Variants in ERG observed in about 807,000 individuals in gnomAD.
ERG encodes ETS transcription factor ERG.
Under a neutral mutation model 55.3 loss-of-function variants are expected in ERG, and 9 were observed. The ratio of observed to expected loss-of-function variants is 0.16; its 90% CI spans 0.10 to 0.28. The LOEUF (loss-of-function observed/expected upper bound fraction) is 0.28, where lower values mean the gene tolerates loss of function less well. Ranked by LOEUF, ERG falls within the 10% of genes least tolerant of loss-of-function variation. The pLI, the probability that ERG is intolerant of heterozygous loss-of-function variation, is 1.00. For missense variants in ERG, 434 were observed against 631.6 expected (o/e 0.69, Z 3.35); for synonymous variants, 223 against 237.3 (o/e 0.94, Z 0.55).
At chr21:38,483,630 C>T (rs569992611) in intron 1 of ERG, among the ~76,000 whole-genome samples, 17 of 152,126 alleles carry the variant, frequency 1.1e-4, no homozygotes, top group Middle Eastern at 3.4e-3. Context: ...AGGTGGATCA[C>T]GAGGTCAGGA....
intron 1 of ERG, among the ~76,000 whole-genome samples, chr21:38,616,403 C>A (rs1291405663): frequency 2.0e-5 from 3 of 152,096 alleles, no homozygotes; most frequent in Non-Finnish European, 2.9e-5. Flanking sequence ...TATTAACACA[C>A]AAAGCTATTT....
chr21:38,478,118 T>C (rs531874428), intron 1 of ERG, among the ~76,000 whole-genome samples: 1 of 152,366 alleles, frequency 6.6e-6, no homozygotes, highest in African/African-American at 2.4e-5. Context: ...GGATGACATA[T>C]CTCACTCATG....
At chr21:38,402,046 C>A (rs990871297) in intron 5 of ERG, among the ~76,000 whole-genome samples, 2 of 152,140 alleles carry the variant, frequency 1.3e-5, no homozygotes, top group Non-Finnish European at 2.9e-5. Context: ...TTCCCTCCTG[C>A]CTTTTGCAAA....
intron 1 of ERG, among the ~76,000 whole-genome samples, chr21:38,638,833 C>T (rs915437561): frequency 6.6e-6 from 1 of 152,114 alleles, no homozygotes; most frequent in African/African-American, 2.4e-5. Flanking sequence ...CTTTCTGATC[C>T]CCTGCAGCCA....
chr21:38,474,901 C>A (rs1276777768), intron 1 of ERG, among the ~76,000 whole-genome samples: 1 of 152,138 alleles, frequency 6.6e-6, no homozygotes, highest in Non-Finnish European at 1.5e-5. Flanking sequence ...TTCCTGATAA[C>A]ATCTAACATT....
At chr21:38,580,880 T>C (rs1010196841) in intron 1 of ERG, among the ~76,000 whole-genome samples, 8 of 144,154 alleles carry the variant, frequency 5.5e-5, no homozygotes, top group East Asian at 3.9e-4. Flanking sequence ...TGCAAGAAAA[T>C]AGATGGAAGT....
chr21:38,495,602 T>C (rs1006991486), intron 1 of ERG, among the ~76,000 whole-genome samples: 1 of 152,208 alleles, frequency 6.6e-6, no homozygotes, highest in African/African-American at 2.4e-5. Context: ...GGGTTCATGT[T>C]CTCCTTAAAA....
At chr21:38,397,181 C>T (rs1988261555) in intron 6 of ERG, among the ~76,000 whole-genome samples, 1 of 152,108 alleles carries the variant, frequency 6.6e-6, no homozygotes, top group Admixed American at 6.6e-5. Flanking sequence ...CAGTGAACGG[C>T]CTCGGCCAAT....
At chr21:38,455,139 GAATAGC>G (rs2146580605) in intron 1 of ERG, among the ~76,000 whole-genome samples, 1 of 142,124 alleles carries the variant, frequency 7.0e-6, no homozygotes, top group South Asian at 2.2e-4. Context: ...TTTTTACCTA[GAATAGC>G]ACAAGGCACA....
chr21:38,539,402 T>C lies in ERG; in HGVS notation c.-41+36260A>G, dbSNP rs546338545. Among the ~76,000 whole-genome samples, 3 of 152,354 alleles carry C rather than the reference T, an allele frequency of 2.0e-5. No homozygotes were observed. The East Asian group carries it at 5.8e-4, about 29-fold the overall frequency. On this transcript the variant is annotated intron_variant, in intron 2 of 8. Transcript: ENST00000398897. Reference sequence around the variant, plus strand: ...TATTAAAAAGATTCCATTTTGGCTATGCTGGACTCTTCAGATATATCCTGG... The same window carrying C: ...TATTAAAAAGATTCCATTTTGGCTACGCTGGACTCTTCAGATATATCCTGG...
intron 1 of ERG, among the ~76,000 whole-genome samples, chr21:38,623,047 A>G (rs2060303130): frequency 1.4e-5 from 2 of 141,134 alleles, no homozygotes; most frequent in African/African-American, 5.2e-5. Flanking sequence ...ACACAAGACC[A>G]CACACACACA....
chr21:38,657,727 C>A (rs2060527819), intron 1 of ERG, among the ~76,000 whole-genome samples: 1 of 152,166 alleles, frequency 6.6e-6, no homozygotes, highest in Admixed American at 6.5e-5. Flanking sequence ...TGCTTTCAAT[C>A]AATCATTGTG....
intron 1 of ERG, among the ~76,000 whole-genome samples, chr21:38,645,347 T>A (rs908457236): frequency 6.6e-6 from 1 of 152,066 alleles, no homozygotes; most frequent in Non-Finnish European, 1.5e-5. Context: ...TATAAATAGG[T>A]TTCATATACA....
At chr21:38,536,587 T>A (rs1448279712) in intron 2 of ERG, among the ~76,000 whole-genome samples, 1 of 152,146 alleles carries the variant, frequency 6.6e-6, no homozygotes, top group Non-Finnish European at 1.5e-5. Flanking sequence ...AGACCATGGT[T>A]TTGAATGTGT....
intron 1 of ERG, among the ~76,000 whole-genome samples, chr21:38,608,655 G>T (rs1350294563): frequency 6.6e-6 from 1 of 152,154 alleles, no homozygotes; most frequent in Non-Finnish European, 1.5e-5. Flanking sequence ...GGGTTTGGAG[G>T]TGTCTGGGAC....
chr21:38,412,566 C>T (rs1410118699), intron 3 of ERG, among the ~76,000 whole-genome samples: 1 of 152,092 alleles, frequency 6.6e-6, no homozygotes, highest in Admixed American at 6.5e-5. Context: ...TTCATTGCTC[C>T]CATTTCCTTC....
intron 1 of ERG, among the ~76,000 whole-genome samples, chr21:38,618,758 T>C: frequency 6.6e-6 from 1 of 152,132 alleles, no homozygotes. Flanking sequence ...CAGAGGTTAG[T>C]CACATCCATG....
At chr21:38,656,160 G>T (rs1601361366) in intron 1 of ERG, among the ~76,000 whole-genome samples, 3 of 152,064 alleles carry the variant, frequency 2.0e-5, no homozygotes, top group Admixed American at 2.0e-4. Context: ...GGGCAGAGAG[G>T]TTCAGGCTCC....
At chr21:38,407,391 TATG>T (rs1371596289) in intron 3 of ERG, among the ~76,000 whole-genome samples, 4 of 152,218 alleles carry the variant, frequency 2.6e-5, no homozygotes, top group East Asian at 3.9e-4. Context: ...AAAATATTAT[TATG>T]ATATCATTGT....
Sources: gnomAD v4.1 joint callset for allele counts (sites outside exome capture counted in the v4.1 genomes callset) on GRCh38, gnomAD v4.1.1 for gene constraint, MANE v1.5 for transcripts, NCBI Gene and HGNC (gene_info 2026-07-23, HGNC 2026-07-21) for gene names.